Variants in PHLDB1 observed in about 807,000 individuals in gnomAD.
PHLDB1 encodes the protein pleckstrin homology-like domain family B member 1.
Under a neutral mutation model 139.3 loss-of-function variants are expected in PHLDB1, and 65 were observed. The observed-to-expected ratio is 0.47, with a 90% CI of 0.38 to 0.57. The LOEUF (loss-of-function observed/expected upper bound fraction) is 0.57. Among genes scored for constraint, PHLDB1 ranks in the 20% least tolerant of loss-of-function variants. PHLDB1 has a pLI of 0.00. For synonymous variants in PHLDB1, 679 were observed against 734.5 expected (o/e 0.92, Z 1.22); for missense variants, 1,624 against 1,839.7 (o/e 0.88, Z 2.14).
rs1340328229 is a variant in PHLDB1, at chr11:118,608,057, C to A, written c.-22+358C>A. Among the ~76,000 whole-genome samples the A allele has an allele frequency of 8.6e-5, 13 of 152,044 alleles. No homozygotes were observed. The highest frequency in any genetic ancestry group is 1.6e-4 in the Non-Finnish European group (11 of 67,980). ...CGGACACTCGCGGGGTATCGGGCGG[C>A]GAGCGCGCGCGCGGGTTTTCGTCCT... On this transcript the variant is annotated intron_variant, in intron 1 of 22. Transcript: ENST00000600882. This position sits in a 1 kb window ranked among gnomAD's most constrained non-coding sequence, Gnocchi z 6.7.
At chr11:118,644,337 G>A (rs189573010) in intron 15 of PHLDB1, 163 bp downstream of exon 15, 16 of 616,138 alleles carry the variant, frequency 2.6e-5, no homozygotes, top group Non-Finnish European at 4.3e-5. Flanking sequence ...GAGCTTCCTG[G>A]ATATTTATCT....
rs782186584 is a variant in PHLDB1, at chr11:118,650,507, T to A, written c.3834T>A (p.Phe1278Leu). Residue 1278 changes from phenylalanine to leucine, a missense_variant, in exon 20 of 23, where the codon TTT becomes TTA. Coordinates refer to ENST00000600882, the MANE Select transcript of PHLDB1 (RefSeq NM_001144758.3). This position sits in a 1 kb window ranked among gnomAD's most constrained non-coding sequence, Gnocchi z 4.7. Reference protein sequence around the residue: ...GKIKSWKKRWFVFDRLKRTLS... With the variant: ...GKIKSWKKRWLVFDRLKRTLS... ...TTAAATCATGGAAGAAGCGCTGGTT[T>A]GTCTTCGACCGGCTCAAGCGCACCC... 1.2e-6 allele frequency: 2 copies of A among 1,614,156 alleles called. No homozygotes were observed. Among genetic ancestry groups the A allele is most frequent in the Admixed American group, 3.3e-5 (2 of 60,030 alleles).
In PHLDB1 at chr11:118,608,224, C is replaced by A. The variant is rs1265040065; in HGVS notation, c.-22+525C>A. 6.6e-6 allele frequency among the ~76,000 whole-genome samples: 1 copy of A among 152,094 alleles called. No individual in the cohort carries two copies. The highest frequency in any genetic ancestry group is 1.5e-5 in the Non-Finnish European group (1 of 67,982). On this transcript the variant is annotated intron_variant, in intron 1 of 22. Coordinates refer to ENST00000600882, the MANE Select transcript of PHLDB1 (RefSeq NM_001144758.3). The surrounding 1 kb of genome is among the most constrained non-coding windows in gnomAD (Gnocchi z 6.7). ...TCGGAGTCCGGCTCAGAGTCTTGAGCGTCTAGGAGGGCTGCCTGGGGGTGT... is the reference window on the plus strand; with the variant it reads ...TCGGAGTCCGGCTCAGAGTCTTGAGAGTCTAGGAGGGCTGCCTGGGGGTGT...
intron 4 of PHLDB1, among the ~76,000 whole-genome samples, chr11:118,622,792 G>A (rs567255071): frequency 6.6e-6 from 1 of 152,310 alleles, no homozygotes; most frequent in South Asian, 2.1e-4. Flanking sequence ...TGAAACAGCT[G>A]TGGTTGTAAT....
intron 13 of PHLDB1, chr11:118,643,599 G>A: frequency 4.1e-6 from 4 of 985,392 alleles, no homozygotes; most frequent in Non-Finnish European, 4.8e-6. Flanking sequence ...TTGGCCCAGG[G>A]AGGAACAGCC....
Position 118,628,307 on chromosome 11 carries a change from G to T in PHLDB1, c.1484G>T (p.Trp495Leu), listed in dbSNP as rs782541314. 1 of 1,613,818 alleles carries T rather than the reference G, an allele frequency of 6.2e-7. No individual in the cohort carries two copies. Among genetic ancestry groups the T allele is most frequent in the Non-Finnish European group, 8.5e-7 (1 of 1,179,922 alleles). Residue 495 changes from tryptophan (W) to leucine (L), a missense_variant, in exon 6 of 23, where the codon TGG becomes TTG. By Grantham distance (61) the Trp-to-Leu change is moderately conservative (BLOSUM62 -2). Coordinates refer to ENST00000600882, the MANE Select transcript of PHLDB1 (RefSeq NM_001144758.3). ...GCAGAGAGTCCTCGGCCCCGGCGCT[G>T]GGCAGCCCATGGGGCTTCACCAGAG... ...EVAESPRPRR[W>L]AAHGASPEDF... is the part of the protein sequence containing the mutation.
Position 118,635,146 on chromosome 11 carries a change from T to C in PHLDB1, c.2380-247T>C, listed in dbSNP as rs1384103978. Reference sequence around the variant, plus strand: ...GGACGGGACCACCTGGCCTCTGCAGTACCTGCCGGACACCAGGGTCGGTGC... The same window carrying C: ...GGACGGGACCACCTGGCCTCTGCAGCACCTGCCGGACACCAGGGTCGGTGC... On this transcript the variant is annotated intron_variant, in intron 9 of 22. Transcript: ENST00000600882. 3 of 579,878 alleles carry C rather than the reference T, an allele frequency of 5.2e-6. No homozygotes were observed. In the African/African-American group the frequency reaches 5.7e-5, roughly 11 times the overall value. The allele number at this position is 579,878 out of a possible 1,614,324, so 35.9% of individuals were successfully genotyped here.
chr11:118,638,835 A>G (rs1555117418), intron 10 of PHLDB1, 56 bp from the exon 11 acceptor site: 4 of 1,344,200 alleles, frequency 3.0e-6, no homozygotes, highest in Non-Finnish European at 1.0e-6. Context: ...GCTAGTTCTC[A>G]CCTTGGGCTC....
At chr11:118,619,538 C>T (rs1942340055) in intron 4 of PHLDB1, among the ~76,000 whole-genome samples, 1 of 152,192 alleles carries the variant, frequency 6.6e-6, no homozygotes, top group Non-Finnish European at 1.5e-5. Flanking sequence ...AGCAAGGCTC[C>T]CAGCTTCCCA....
At chr11:118,623,888 G>A (rs1555097781) in intron 4 of PHLDB1, among the ~76,000 whole-genome samples, 1 of 150,334 alleles carries the variant, frequency 6.7e-6, no homozygotes, top group Non-Finnish European at 1.5e-5. Flanking sequence ...GTGTGTGTGT[G>A]TGTGTGTGTG....
chr11:118,612,398 C>T (rs1940635617), intron 1 of PHLDB1, among the ~76,000 whole-genome samples: 1 of 152,188 alleles, frequency 6.6e-6, no homozygotes, highest in African/African-American at 2.4e-5. Flanking sequence ...GCCCCTCCTC[C>T]CTCAGAAAAT....
At chr11:118,639,797 C>A (rs1436439694) in intron 12 of PHLDB1, 25 of 600,156 alleles carry the variant, frequency 4.2e-5, no homozygotes, top group Non-Finnish European at 5.2e-5. Context: ...ACAATTTAGG[C>A]CTGCGGTGGG....
chr11:118,632,416 T>G lies in PHLDB1; in HGVS notation c.2379+120T>G. 9.8e-7 allele frequency: 1 copy of G among 1,019,794 alleles called. No homozygotes were observed. The highest frequency in any genetic ancestry group is 1.6e-5 in the African/African-American group (1 of 62,678). The allele number at this position is 1,019,794 out of a possible 1,614,324, so 63.2% of individuals were successfully genotyped here. On this transcript the variant is annotated intron_variant, in intron 9 of 22. Coordinates refer to ENST00000600882, the MANE Select transcript of PHLDB1 (RefSeq NM_001144758.3). This position sits in a 1 kb window ranked among gnomAD's most constrained non-coding sequence, Gnocchi z 5.9. The stretch of plus-strand genomic sequence containing the variant: ...CATCCATTCTGCAGTACAAGTGGTC[T>G]CTGTGGCTTTCCAGAGACAGAGTGA...
chr11:118,637,363 CAG>C (rs1425907819), intron 10 of PHLDB1: 2 of 152,218 alleles, frequency 1.3e-5, no homozygotes, highest in Non-Finnish European at 2.9e-5. Flanking sequence ...GATTTTGAGA[CAG>C]AGTCTCGCTG....
In PHLDB1 at chr11:118,650,876, A is replaced by G; in HGVS notation, c.3874+329A>G. On this transcript the variant is annotated intron_variant, in intron 20 of 22. Transcript: ENST00000600882. The surrounding 1 kb of genome is among the most constrained non-coding windows in gnomAD (Gnocchi z 4.7). ...CAGACAAGAGTGATAACCACGCACA[A>G]TGGGTATGCTGATAGGAGACATCCA... is the stretch of plus-strand genomic sequence containing the variant. The G allele has an allele frequency of 5.8e-6, 2 of 345,294 alleles. No individual in the cohort carries two copies. The highest frequency in any genetic ancestry group is 1.1e-5 in the Non-Finnish European group (2 of 183,050). The allele number at this position is 345,294 out of a possible 1,614,324, so 21.4% of individuals were successfully genotyped here.
At chr11:118,642,035 T>G in intron 12 of PHLDB1, 1 of 641,364 alleles carries the variant, frequency 1.6e-6, no homozygotes. Flanking sequence ...TTTCTCTTCT[T>G]TTTCTTGATG....
Position 118,611,170 on chromosome 11 carries a change from C to T in PHLDB1, c.-21-2646C>T, listed in dbSNP as rs1940207054. Among the ~76,000 whole-genome samples the T allele has an allele frequency of 6.6e-6, 1 of 152,228 alleles. No individual in the cohort carries two copies. The highest frequency in any genetic ancestry group is 2.1e-4 in the South Asian group (1 of 4,834). ...GGCGCCCCCAGGTGGCCGCTCTCGG[C>T]CGCGGCGATCGCCCTTTGGGAAAGC... On this transcript the variant is annotated intron_variant, in intron 1 of 22. Coordinates refer to ENST00000600882, the MANE Select transcript of PHLDB1 (RefSeq NM_001144758.3). The surrounding 1 kb of genome is among the most constrained non-coding windows in gnomAD (Gnocchi z 4.7).
rs1426913727 is a variant in PHLDB1, at chr11:118,627,922, C to T, written c.1099C>T (p.Pro367Ser). 1.9e-6 allele frequency: 3 copies of T among 1,612,452 alleles called. No homozygotes were observed. The highest frequency in any genetic ancestry group is 2.2e-5 in the East Asian group (1 of 44,880). Residue 367 changes from proline (P) to serine (S), a missense_variant, in exon 6 of 23, where the codon CCA becomes TCA. Physicochemically the swap from Pro to Ser is moderately conservative, Grantham distance 74. Transcript: ENST00000600882. ...GGTGGCCATCAGCCTGAGTGAATAC[C>T]CAGCTTCTGGTGCTCTCAGTCAACC... is the stretch of plus-strand genomic sequence containing the variant. ...PVVAISLSEY[P>S]ASGALSQPTS...
At chr11:118,651,808 C>T (rs1948390172) in intron 20 of PHLDB1, 1 of 150,980 alleles carries the variant, frequency 6.6e-6, no homozygotes, top group Non-Finnish European at 1.5e-5. Flanking sequence ...AAAAGGAAAT[C>T]TCAGTGGCTT....
Sources: gnomAD v4.1 joint callset for allele counts (sites outside exome capture counted in the v4.1 genomes callset) on GRCh38, gnomAD v4.1.1 for gene constraint, Gnocchi (gnomAD v3.1) non-coding constraint, MANE v1.5 for transcripts, NCBI Gene and HGNC (gene_info 2026-07-23, HGNC 2026-07-21) for gene names.